The following FRMD6 variants were observed in gnomAD, a reference collection of about 807,000 sequenced individuals.
The protein encoded by FRMD6 is FERM domain containing 6, also known as FERM domain-containing protein 6.
FRMD6 carries 37 observed loss-of-function variants against 73.2 expected under a neutral mutation model. The ratio of observed to expected loss-of-function variants is 0.51; its 90% CI spans 0.39 to 0.66. The LOEUF (loss-of-function observed/expected upper bound fraction) is 0.66, where lower values mean the gene tolerates loss of function less well. Among genes scored for constraint, FRMD6 ranks in the 30% least tolerant of loss-of-function variants. The pLI is 0.00. For missense variants in FRMD6, 714 were observed against 780.5 expected (o/e 0.91, Z 1.02); for synonymous variants, 273 against 282.2 (o/e 0.97, Z 0.33).
chr14:51,468,776 C>T, the FRMD6 span, among the ~76,000 whole-genome samples: 1 of 152,136 alleles, frequency 6.6e-6, no homozygotes, highest in Non-Finnish European at 1.5e-5. Flanking sequence ...TCAATTTACT[C>T]GAGTTTCTTT....
At chr14:51,671,235 G>A (rs1045878200) in intron 1 of FRMD6, among the ~76,000 whole-genome samples, 1 of 152,084 alleles carries the variant, frequency 6.6e-6, no homozygotes, top group Non-Finnish European at 1.5e-5. Flanking sequence ...CACCTAGTTT[G>A]GGAAATGATG....
intron 1 of FRMD6, among the ~76,000 whole-genome samples, chr14:51,569,472 A>G (rs1205185388): frequency 6.7e-6 from 1 of 149,100 alleles, no homozygotes; most frequent in Non-Finnish European, 1.5e-5. Context: ...GTCACTTTCT[A>G]TTTAATAATA....
At chr14:51,429,155 C>T in the FRMD6 span, among the ~76,000 whole-genome samples, 4 of 152,298 alleles carry the variant, frequency 2.6e-5, no homozygotes, top group East Asian at 7.7e-4. Flanking sequence ...GTGAAGTCAT[C>T]TTTGATTCTC....
chr14:51,694,187 A>T (rs1895791441), intron 2 of FRMD6, among the ~76,000 whole-genome samples: 1 of 152,232 alleles, frequency 6.6e-6, no homozygotes, highest in Admixed American at 6.5e-5. Flanking sequence ...GATTTTAATC[A>T]TCAGGCAAAT....
At position 51,512,616 on chromosome 14, in the gene FRMD6, C is replaced by CTCT. The variant is rs1566786292; in HGVS notation, c.-210+23197_-210+23198insCTT. Among the ~76,000 whole-genome samples the CTCT allele has an allele frequency of 4.6e-3, 670 of 145,642 alleles. 3 individuals carry two copies. The highest frequency in any genetic ancestry group is 0.016 in the African/African-American group (647 of 39,946). Reference sequence around the variant, plus strand: ...GATAGCTGATGTAATGTTTCTTTCTCTTTTTTTTTTTTGTGGGGGATGGAT... The same window carrying CTCT: ...GATAGCTGATGTAATGTTTCTTTCTCTCTTTTTTTTTTTTTGTGGGGGATGGAT... On this transcript the variant is annotated intron_variant, in intron 1 of 14. Transcript: ENST00000356218.
At chr14:51,573,901 G>GAT (rs1555322499) in intron 2 of FRMD6, among the ~76,000 whole-genome samples, 1 of 152,172 alleles carries the variant, frequency 6.6e-6, no homozygotes, top group Non-Finnish European at 1.5e-5. Context: ...GACAACTAGG[G>GAT]ATATTTAGGG....
At chr14:51,705,417 CTG>C (rs1896568190) in intron 6 of FRMD6, among the ~76,000 whole-genome samples, 1 of 152,094 alleles carries the variant, frequency 6.6e-6, no homozygotes, top group Admixed American at 6.6e-5. Context: ...CCAACGTGAA[CTG>C]TCTCAGCTGC....
chr14:51,475,833 A>G, the FRMD6 span, among the ~76,000 whole-genome samples: 1 of 152,208 alleles, frequency 6.6e-6, no homozygotes, highest in Non-Finnish European at 1.5e-5. Flanking sequence ...CTGTAAATTT[A>G]AGATGGAGAA....
the FRMD6 span, among the ~76,000 whole-genome samples, chr14:51,403,394 T>A: frequency 2.0e-5 from 3 of 151,770 alleles, no homozygotes; most frequent in Non-Finnish European, 4.4e-5. Flanking sequence ...CTGCAACTTT[T>A]ATTTTATTTT....
chr14:51,670,001 A>G (rs1436485662), intron 1 of FRMD6, among the ~76,000 whole-genome samples: 1 of 152,154 alleles, frequency 6.6e-6, no homozygotes, highest in Non-Finnish European at 1.5e-5. Flanking sequence ...GGGCTGAAGT[A>G]GATTAGAATC....
intron 1 of FRMD6, among the ~76,000 whole-genome samples, chr14:51,534,397 A>G (rs1429827474): frequency 6.6e-6 from 1 of 152,204 alleles, no homozygotes; most frequent in Admixed American, 6.5e-5. Flanking sequence ...GTTGTTTCTT[A>G]TGATGGTTGA....
intron 1 of FRMD6, among the ~76,000 whole-genome samples, chr14:51,564,182 C>T (rs908837477): frequency 6.6e-6 from 1 of 152,184 alleles, no homozygotes; most frequent in Non-Finnish European, 1.5e-5. Context: ...TTTGATTGAG[C>T]CTCTCTTTAC....
At chr14:51,709,150 T>C (rs951640577) in intron 7 of FRMD6, among the ~76,000 whole-genome samples, 1 of 152,146 alleles carries the variant, frequency 6.6e-6, no homozygotes, top group African/African-American at 2.4e-5. Flanking sequence ...TCAAACCAAA[T>C]GGATGAAGTG....
intron 2 of FRMD6, among the ~76,000 whole-genome samples, chr14:51,637,083 A>G (rs1891600103): frequency 6.6e-6 from 1 of 152,096 alleles, no homozygotes; most frequent in African/African-American, 2.4e-5. Context: ...TTAGCTGGGC[A>G]TGGTGGTGTA....
chr14:51,601,549 G>A (rs941190811), intron 2 of FRMD6, among the ~76,000 whole-genome samples: 2 of 152,170 alleles, frequency 1.3e-5, no homozygotes, highest in Non-Finnish European at 2.9e-5. Context: ...AATGCATTTT[G>A]TTTGGAGCTT....
chr14:51,606,564 T>G (rs1233308515), intron 2 of FRMD6, among the ~76,000 whole-genome samples: 1 of 152,202 alleles, frequency 6.6e-6, no homozygotes, highest in Non-Finnish European at 1.5e-5. Flanking sequence ...AGTCCATGAA[T>G]TATTTCTATC....
chr14:51,689,735 G>A lies in FRMD6; in HGVS notation c.-102G>A. 1.3e-6 allele frequency: 1 copy of A among 751,218 alleles called. No homozygotes were observed. Among genetic ancestry groups the A allele is most frequent in the Non-Finnish European group, 2.5e-6 (1 of 406,024 alleles). 46.5% of individuals were successfully genotyped at this position (751,218 alleles called of 1,614,324 possible). A position where few individuals can be genotyped will look rare whatever the true frequency, so the allele number is the denominator to read the frequency against. On this transcript the variant is annotated 5_prime_UTR_variant, in exon 2 of 14. Coordinates refer to ENST00000344768, the MANE Select transcript of FRMD6 (RefSeq NM_001267046.2). ...GAACACCGTGATGCTTCTCCTGCAG[G>A]GCGTGTGATGAGGAGGCGAGCTTGG...
intron 1 of FRMD6, among the ~76,000 whole-genome samples, chr14:51,674,671 A>G (rs575425177): frequency 1.5e-4 from 23 of 152,114 alleles, no homozygotes; most frequent in Non-Finnish European, 2.9e-4. Flanking sequence ...GATTAACCCT[A>G]TTTGTGTAGG....
At chr14:51,705,777 A>G (rs1184350117) in intron 6 of FRMD6, among the ~76,000 whole-genome samples, 1 of 152,014 alleles carries the variant, frequency 6.6e-6, no homozygotes, top group African/African-American at 2.4e-5. Flanking sequence ...GTTGCTTTAT[A>G]TCAATACAGT....
Sources: allele counts gnomAD v4.1 joint callset (sites outside exome capture counted in the v4.1 genomes callset), GRCh38; gene constraint gnomAD v4.1.1; transcripts MANE v1.5; gene names NCBI Gene and HGNC (gene_info 2026-07-23, HGNC 2026-07-21).